The following IGSF11 variants were observed in gnomAD, a reference collection of about 807,000 sequenced individuals.
IGSF11 encodes CXADR like 1.
IGSF11 carries 22 observed loss-of-function variants against 41.0 expected under a neutral mutation model. The observed-to-expected ratio is 0.54, with a 90% CI of 0.38 to 0.77. IGSF11 has a LOEUF of 0.77. IGSF11 is among the 30% of genes least tolerant of loss of function. The pLI is 0.00. For missense variants in IGSF11, 444 were observed against 530.8 expected (o/e 0.84, Z 1.61); for synonymous variants, 219 against 201.3 (o/e 1.09, Z -0.74).
At chr3:119,055,330 T>G (rs541045842) in intron 1 of IGSF11, among the ~76,000 whole-genome samples, 1 of 152,138 alleles carries the variant, frequency 6.6e-6, no homozygotes, top group Non-Finnish European at 1.5e-5. Context: ...GGATGGAGAA[T>G]GACTTTGACA....
chr3:119,058,962 CG>C (rs1266224474), intron 1 of IGSF11, among the ~76,000 whole-genome samples: 1 of 127,602 alleles, frequency 7.8e-6, no homozygotes, highest in African/African-American at 3.0e-5. Context: ...CATCACACAT[CG>C]GGGACTGTTG....
chr3:119,036,114 G>A (rs1186447324), upstream of IGSF11, among the ~76,000 whole-genome samples: 4 of 152,176 alleles, frequency 2.6e-5, no homozygotes, highest in Non-Finnish European at 4.4e-5. Flanking sequence ...AATGAAACAT[G>A]TTAAGAAATG....
intron 1 of IGSF11, among the ~76,000 whole-genome samples, chr3:119,081,012 A>C (rs1450100649): frequency 6.6e-6 from 1 of 151,998 alleles, no homozygotes. Flanking sequence ...ATATATTGGT[A>C]CCTCTCAGTA....
chr3:119,040,842 A>C (rs932037561), intron 1 of IGSF11, among the ~76,000 whole-genome samples: 4 of 152,242 alleles, frequency 2.6e-5, no homozygotes, highest in Non-Finnish European at 5.9e-5. Context: ...AATGGTATTA[A>C]GGTAGATATC....
Position 119,131,746 on chromosome 3 carries a change from T to C in IGSF11, c.-14+14067A>G, listed in dbSNP as rs143650654. Among the ~76,000 whole-genome samples, 57 of 152,118 alleles carry C rather than the reference T, an allele frequency of 3.7e-4. No individual in the cohort carries two copies. In the East Asian group the frequency reaches 0.01, roughly 27 times the overall value. Reference sequence around the variant, plus strand: ...AGAAGACTAACCCCAAGACACATAATTGTCAGATTCACCAAGGTTGAAATG... The same window carrying C: ...AGAAGACTAACCCCAAGACACATAACTGTCAGATTCACCAAGGTTGAAATG... On this transcript the variant is annotated intron_variant, in intron 1 of 7. Coordinates refer to the IGSF11 transcript ENST00000425327.
chr3:119,134,870 T>C (rs9758526), intron 1 of IGSF11, among the ~76,000 whole-genome samples: 1 of 151,774 alleles, frequency 6.6e-6, no homozygotes, highest in Non-Finnish European at 1.5e-5. Flanking sequence ...CAGATACACA[T>C]ACCAATAGAA....
intron 1 of IGSF11, among the ~76,000 whole-genome samples, chr3:119,042,466 G>A (rs1017125396): frequency 4.6e-5 from 7 of 152,114 alleles, no homozygotes; most frequent in African/African-American, 1.7e-4. Flanking sequence ...TGCCGGTTAT[G>A]AGGGAGCTGG....
chr3:119,091,997 G>T (rs958932702), intron 1 of IGSF11, among the ~76,000 whole-genome samples: 6 of 146,650 alleles, frequency 4.1e-5, no homozygotes, highest in African/African-American at 1.3e-4. Flanking sequence ...TTTTTTTGGG[G>T]GGGGGGGGTT....
intron 4 of IGSF11, among the ~76,000 whole-genome samples, chr3:118,911,254 C>CA (rs111386363): frequency 1.4e-4 from 20 of 147,074 alleles, no homozygotes; most frequent in African/African-American, 2.7e-4. Flanking sequence ...TGTCAGAGGG[C>CA]AAAAAAAAAG....
At chr3:119,140,542 C>T (rs1250161035) in intron 1 of IGSF11, among the ~76,000 whole-genome samples, 5 of 152,116 alleles carry the variant, frequency 3.3e-5, no homozygotes, top group Middle Eastern at 3.2e-3. Flanking sequence ...CAATACTCCA[C>T]TTTCAATAAT....
chr3:118,925,189 T>A (rs1387084592), intron 4 of IGSF11, among the ~76,000 whole-genome samples: 1 of 152,208 alleles, frequency 6.6e-6, no homozygotes, highest in Non-Finnish European at 1.5e-5. Flanking sequence ...ATTTATAGGC[T>A]CTTAAGAGGC....
At chr3:119,054,342 AG>A (rs1559839379) in intron 1 of IGSF11, among the ~76,000 whole-genome samples, 1 of 152,172 alleles carries the variant, frequency 6.6e-6, no homozygotes, top group South Asian at 2.1e-4. Context: ...AGCAAGAAAA[AG>A]ACAATAATCC....
chr3:119,102,115 T>C (rs2076948348), intron 1 of IGSF11, among the ~76,000 whole-genome samples: 1 of 152,202 alleles, frequency 6.6e-6, no homozygotes, highest in Admixed American at 6.5e-5. Context: ...CCTCCATGTT[T>C]ATTTTCACCT....
intron 1 of IGSF11, among the ~76,000 whole-genome samples, chr3:119,117,424 C>A (rs1368169134): frequency 6.6e-6 from 1 of 152,148 alleles, no homozygotes; most frequent in Non-Finnish European, 1.5e-5. Context: ...AGAGCTTGTG[C>A]AGGGAAACAC....
At chr3:119,029,640 A>C (rs1190060417) in intron 1 of IGSF11, among the ~76,000 whole-genome samples, 1 of 152,234 alleles carries the variant, frequency 6.6e-6, no homozygotes, top group Non-Finnish European at 1.5e-5. Flanking sequence ...AGGGGAATAC[A>C]GAAGAGAGTG....
intron 1 of IGSF11, among the ~76,000 whole-genome samples, chr3:119,017,514 T>C (rs115853606): frequency 0.02 from 2,996 of 152,326 alleles, 53 homozygotes; most frequent in Non-Finnish European, 0.03. Flanking sequence ...AGCTCCCAAC[T>C]GTAACTGTAT....
Position 119,002,335 on chromosome 3 carries a change from T to C in IGSF11, c.52+32196A>G, listed in dbSNP as rs1407599115. ...GATGGGGTTGTTTGTTTTTTTCTTG[T>C]AAATTTGTTTGAGTTCTTTGTAGAT... On this transcript the variant is annotated intron_variant, in intron 1 of 6. Transcript: ENST00000393775. Among the ~76,000 whole-genome samples, 34 of 151,370 alleles carry C rather than the reference T, an allele frequency of 2.2e-4. 1 individual carries two copies. The highest frequency in any genetic ancestry group is 7.3e-4 in the African/African-American group (30 of 40,980).
chr3:118,960,120 C>G (rs1259952532), intron 1 of IGSF11, among the ~76,000 whole-genome samples: 1 of 151,888 alleles, frequency 6.6e-6, no homozygotes, highest in Non-Finnish European at 1.5e-5. Context: ...TGGCTCAGTC[C>G]TTAAAGTTAA....
rs571918824 is a variant in IGSF11, at chr3:118,920,819, A to T, written c.580+5282T>A. On this transcript the variant is annotated intron_variant, in intron 4 of 6. Transcript: ENST00000393775. ...ATATTGCTAAAGATATAGCATATTG[A>T]ATAATACAATTATAATGCTTCCTAT... 2.5e-4 allele frequency among the ~76,000 whole-genome samples: 38 copies of T among 152,318 alleles called. No individual in the cohort carries two copies. The Middle Eastern group carries it at 0.01, about 41-fold the overall frequency.
Sources: gnomAD v4.1 joint callset for allele counts (sites outside exome capture counted in the v4.1 genomes callset) on GRCh38, gnomAD v4.1.1 for gene constraint, MANE v1.5 for transcripts, NCBI Gene and HGNC (gene_info 2026-07-23, HGNC 2026-07-21) for gene names.